AP1B1: variants seen among roughly 807,000 people sequenced by gnomAD.
The protein encoded by AP1B1 is adaptor related protein complex 1 subunit beta 1.
Under a neutral mutation model 104.3 loss-of-function variants are expected in AP1B1, and 36 were observed. The ratio of observed to expected loss-of-function variants is 0.35; its 90% CI spans 0.26 to 0.46. AP1B1 has a LOEUF of 0.46. Among genes scored for constraint, AP1B1 ranks in the 20% least tolerant of loss-of-function variants. AP1B1 has a pLI of 1.00. For missense variants in AP1B1, 901 were observed against 1,247.9 expected, an observed-to-expected ratio of 0.72 and a Z score of 4.19; for synonymous variants, 504 against 517.5, an observed-to-expected ratio of 0.97 and a Z score of 0.35.
chr22:29,330,047 C>T (rs1602677884), intron 21 of AP1B1: 2 of 1,407,578 alleles, frequency 1.4e-6, no homozygotes, highest in Non-Finnish European at 1.8e-6. Flanking sequence ...GCTGGACATG[C>T]AGGCACTCAC....
At chr22:29,331,643 C>T (rs1438547706) in intron 18 of AP1B1, 110 bp from the exon 19 acceptor site, 13 of 1,573,348 alleles carry the variant, frequency 8.3e-6, no homozygotes, top group Non-Finnish European at 1.1e-5. Context: ...CTGGTAAACA[C>T]ACCCCTTCGT....
intron 16 of AP1B1, among the ~76,000 whole-genome samples, chr22:29,336,008 G>T (rs1264083477): frequency 6.6e-6 from 1 of 152,196 alleles, no homozygotes; most frequent in Admixed American, 6.5e-5. Flanking sequence ...GTCGCCCAAG[G>T]CTGGGGATGC....
intron 7 of AP1B1, 123 bp downstream of exon 7, chr22:29,354,527 C>T: frequency 2.2e-6 from 2 of 921,566 alleles, no homozygotes; most frequent in Non-Finnish European, 3.4e-6. Flanking sequence ...TTAAGCTATT[C>T]TGGGTTAAGC....
At chr22:29,377,158 T>C (rs1309538242) in intron 1 of AP1B1, among the ~76,000 whole-genome samples, 1 of 126,638 alleles carries the variant, frequency 7.9e-6, no homozygotes, top group Non-Finnish European at 1.5e-5. Flanking sequence ...ACCGTGCCAC[T>C]GCACTCCAGC....
intron 11 of AP1B1, 103 bp downstream of exon 11, chr22:29,349,115 C>A (rs1269000563): frequency 2.2e-6 from 3 of 1,368,458 alleles, no homozygotes; most frequent in Admixed American, 3.7e-5. Context: ...TCTGTCAGGG[C>A]TGTTTACGAG....
chr22:29,354,703 C>G lies in AP1B1; in HGVS notation c.885G>C (p.Glu295Asp). 8 of 1,614,104 alleles carry G rather than the reference C, an allele frequency of 5.0e-6. No individual in the cohort carries two copies. The highest frequency in any genetic ancestry group is 6.8e-6 in the Non-Finnish European group (8 of 1,180,034). The change falls in exon 7 of 23, where the codon GAG becomes GAC. Residue 295 changes from glutamate to aspartate, a missense_variant. Transcript: ENST00000357586. ...GCAGGGCCACATACTGCAGCTCTGG[C>G]TCGGCTGACAGCAGTGTGACCAGGG... ...APPLVTLLSAEPELQYVALRN... is the reference protein window; with the variant it reads ...APPLVTLLSADPELQYVALRN...
At chr22:29,369,086 G>C (rs147747312) in intron 1 of AP1B1, among the ~76,000 whole-genome samples, 3 of 152,250 alleles carry the variant, frequency 2.0e-5, no homozygotes, top group African/African-American at 7.2e-5. Context: ...TTGCGTCTAT[G>C]GAAGGGACTC....
At chr22:29,343,242 G>A (rs930684528) in intron 11 of AP1B1, among the ~76,000 whole-genome samples, 2 of 152,222 alleles carry the variant, frequency 1.3e-5, no homozygotes, top group African/African-American at 2.4e-5. Flanking sequence ...TGATGCTCCC[G>A]GAGTCAGGGG....
At chr22:29,336,504 G>C (rs111413269) in intron 16 of AP1B1, among the ~76,000 whole-genome samples, 181 of 152,238 alleles carry the variant, frequency 1.2e-3, no homozygotes, top group African/African-American at 4.1e-3. Flanking sequence ...GGGTAACACT[G>C]GTAAGACAAA....
At chr22:29,350,814 T>C (rs2071853000) in intron 9 of AP1B1, among the ~76,000 whole-genome samples, 1 of 152,164 alleles carries the variant, frequency 6.6e-6, no homozygotes, top group African/African-American at 2.4e-5. Flanking sequence ...GGCAGCTGAA[T>C]GATGACAATA....
intron 2 of AP1B1, among the ~76,000 whole-genome samples, chr22:29,363,318 G>A (rs1185844784): frequency 6.6e-6 from 1 of 152,162 alleles, no homozygotes; most frequent in Non-Finnish European, 1.5e-5. Context: ...CTTGTAGGCC[G>A]GGTGCAGTCG....
chr22:29,349,499 G>C (rs1008303192), intron 10 of AP1B1, 116 bp from the exon 11 acceptor site: 4 of 1,082,496 alleles, frequency 3.7e-6, no homozygotes, highest in Non-Finnish European at 4.0e-6. Context: ...CAAGGTGGCA[G>C]GTAAAGGGGA....
chr22:29,371,326 T>C (rs1176975824), intron 1 of AP1B1, among the ~76,000 whole-genome samples: 1 of 152,222 alleles, frequency 6.6e-6, no homozygotes, highest in African/African-American at 2.4e-5. Context: ...ACTGGTGTTT[T>C]TCCTGGCACC....
intron 13 of AP1B1, among the ~76,000 whole-genome samples, 163 bp from the exon 14 acceptor site, chr22:29,341,020 C>T (rs997128434): frequency 6.6e-6 from 1 of 152,246 alleles, no homozygotes; most frequent in Non-Finnish European, 1.5e-5. Context: ...TTCCCATTCC[C>T]ACAGCAGGTC....
At chr22:29,347,373 G>A (rs2061809235) in intron 11 of AP1B1, among the ~76,000 whole-genome samples, 3 of 152,298 alleles carry the variant, frequency 2.0e-5, no homozygotes, top group South Asian at 2.1e-4. Context: ...TTTAACTTTC[G>A]TAGCAAGAGG....
intron 7 of AP1B1, among the ~76,000 whole-genome samples, chr22:29,352,739 G>A (rs1022836015): frequency 2.0e-5 from 3 of 152,122 alleles, no homozygotes; most frequent in African/African-American, 7.2e-5. Flanking sequence ...GACGAGCCTC[G>A]GCAACAGAGT....
chr22:29,360,285 C>G (rs1327099857), intron 3 of AP1B1, among the ~76,000 whole-genome samples: 1 of 152,182 alleles, frequency 6.6e-6, no homozygotes, highest in African/African-American at 2.4e-5. Flanking sequence ...CACCTGCCCC[C>G]TCGCCCTGAG....
At chr22:29,386,888 C>T (rs2062532388) in intron 1 of AP1B1, among the ~76,000 whole-genome samples, 1 of 152,216 alleles carries the variant, frequency 6.6e-6, no homozygotes, top group Non-Finnish European at 1.5e-5. Flanking sequence ...CGTCTCACCA[C>T]CTCCCAAGTA....
intron 1 of AP1B1, among the ~76,000 whole-genome samples, chr22:29,372,819 CATA>C (rs1569165337): frequency 6.6e-6 from 1 of 151,986 alleles, no homozygotes; most frequent in Non-Finnish European, 1.5e-5. Context: ...ATTTTTAAAA[CATA>C]AGAAAATCAC....
Sources: gnomAD v4.1 joint callset for allele counts (sites outside exome capture counted in the v4.1 genomes callset) on GRCh38, gnomAD v4.1.1 for gene constraint, MANE v1.5 for transcripts, NCBI Gene and HGNC (gene_info 2026-07-23, HGNC 2026-07-21) for gene names.